CDH1: variants seen among roughly 807,000 people sequenced by gnomAD.
The protein encoded by CDH1 is cadherin-1.
Under a neutral mutation model 84.5 loss-of-function variants are expected in CDH1, and 35 were observed. That is an observed-to-expected ratio of 0.41 (90% CI 0.32 to 0.55). The LOEUF (loss-of-function observed/expected upper bound fraction) is 0.55. Among genes scored for constraint, CDH1 ranks in the 20% least tolerant of loss-of-function variants. The probability of loss-of-function intolerance (pLI) is 0.19; values close to 1 mark genes in which losing one functional copy is unlikely to be tolerated. For missense variants in CDH1, 994 were observed against 1,126.6 expected, an observed-to-expected ratio of 0.88 and a Z score of 1.68; for synonymous variants, 417 against 439.0, an observed-to-expected ratio of 0.95 and a Z score of 0.63.
intron 2 of CDH1, among the ~76,000 whole-genome samples, chr16:68,764,815 C>G (rs1959321445): frequency 6.6e-6 from 1 of 152,314 alleles, no homozygotes; most frequent in Non-Finnish European, 1.5e-5. Context: ...ATCTGTTCAC[C>G]CATCATTCAC....
In CDH1 at chr16:68,738,936, CTTTTTTTT is replaced by C. The variant is rs1555509828; in HGVS notation, c.163+546_163+553del. 6.0e-3 allele frequency among the ~76,000 whole-genome samples: 69 copies of C among 11,440 alleles called. 7 individuals carry two copies. The highest frequency in any genetic ancestry group is 0.03 in the East Asian group (16 of 530). 7.5% of individuals were successfully genotyped at this position (11,440 alleles called of 152,430 possible). A position where few individuals can be genotyped will look rare whatever the true frequency, so the allele number is the denominator to read the frequency against. On this transcript the variant is annotated intron_variant, in intron 2 of 15. Transcript: ENST00000261769. ...TGGCTTTTGTTTACAGATATAAAAG[CTTTTTTTT>C]TTTTTTTTTTTTTTTTTTTTAAAGA...
At position 68,768,496 on chromosome 16, in the gene CDH1, A is replaced by G. The variant is rs577210618; in HGVS notation, c.163+30085A>G. On this transcript the variant is annotated intron_variant, in intron 2 of 15. Transcript: ENST00000261769. ...CAGCTCTTAATACCTTGGACTTTCC[A>G]TTGATATTTGTCATTTTGCAGCTAA... 2.0e-5 allele frequency among the ~76,000 whole-genome samples: 3 copies of G among 152,316 alleles called. No individual in the cohort carries two copies. The East Asian group carries it at 5.8e-4, about 29-fold the overall frequency.
chr16:68,762,132 C>T (rs893728784), intron 2 of CDH1, among the ~76,000 whole-genome samples: 1 of 152,174 alleles, frequency 6.6e-6, no homozygotes, highest in Non-Finnish European at 1.5e-5. Context: ...CATGGACTCC[C>T]ATTTCCAATG....
At chr16:68,809,244 A>C (rs1472460654) in intron 5 of CDH1, among the ~76,000 whole-genome samples, 1 of 92,426 alleles carries the variant, frequency 1.1e-5, no homozygotes, top group Non-Finnish European at 2.1e-5. Context: ...TTTTTTTTTG[A>C]GATAGGGTTT....
intron 2 of CDH1, among the ~76,000 whole-genome samples, chr16:68,787,442 C>T (rs1467031086): frequency 1.3e-5 from 2 of 152,128 alleles, no homozygotes; most frequent in Middle Eastern, 3.4e-3. Flanking sequence ...AGTGCCCACA[C>T]GTAATGACTG....
chr16:68,771,765 A>AT (rs1555512415), intron 2 of CDH1, among the ~76,000 whole-genome samples: 16 of 92,172 alleles, frequency 1.7e-4, no homozygotes, highest in East Asian at 3.3e-4. Context: ...AAAAAAAAAA[A>AT]TTTTTTTTTT....
At chr16:68,737,541 C>A in intron 1 of CDH1, 78 bp downstream of exon 1, 1 of 1,241,352 alleles carries the variant, frequency 8.1e-7, no homozygotes, top group South Asian at 1.3e-5. Flanking sequence ...CCCTTCCTCT[C>A]CCGTCGTCAC....
chr16:68,812,022 C>T, intron 7 of CDH1, 113 bp from the exon 8 acceptor site: 1 of 1,541,794 alleles, frequency 6.5e-7, no homozygotes, highest in Admixed American at 1.7e-5. Flanking sequence ...AGAAGACAGG[C>T]AGGCTGGCAT....
intron 14 of CDH1, among the ~76,000 whole-genome samples, chr16:68,828,547 G>A (rs1961392236): frequency 6.6e-6 from 1 of 152,192 alleles, no homozygotes; most frequent in African/African-American, 2.4e-5. Flanking sequence ...GCACAGAGAA[G>A]CTCAGTAACT....
intron 2 of CDH1, among the ~76,000 whole-genome samples, chr16:68,739,153 G>A (rs918725974): frequency 2.0e-5 from 3 of 151,658 alleles, no homozygotes; most frequent in Non-Finnish European, 4.4e-5. Flanking sequence ...AGTGGCTAAC[G>A]CCTGTAATCC....
intron 3 of CDH1, among the ~76,000 whole-genome samples, chr16:68,803,175 C>T (rs969157029): frequency 3.9e-5 from 6 of 152,112 alleles, no homozygotes; most frequent in Admixed American, 2.0e-4. Flanking sequence ...CTTCTTTTCT[C>T]GCTGAAGACT....
Position 68,829,805 on chromosome 16 carries a change from A to C in CDH1, c.2439+8A>C, listed in dbSNP as rs2152142497. 1 of 1,613,648 alleles carries C rather than the reference A, an allele frequency of 6.2e-7. No homozygotes were observed. On this transcript the variant is annotated splice_region_variant and intron_variant, in intron 15 of 15. Transcript: ENST00000261769. Reference sequence around the variant, plus strand: ...GGAAATTTTATTGATGAAGTAAGTAATCCACGTGGAAAGCCAAAGCATGGC... The same window carrying C: ...GGAAATTTTATTGATGAAGTAAGTACTCCACGTGGAAAGCCAAAGCATGGC...
intron 2 of CDH1, among the ~76,000 whole-genome samples, chr16:68,779,241 C>G (rs941236121): frequency 1.3e-5 from 2 of 152,186 alleles, no homozygotes; most frequent in African/African-American, 4.8e-5. Flanking sequence ...GAAAACTGCT[C>G]CCATCTGTAA....
intron 10 of CDH1, among the ~76,000 whole-genome samples, chr16:68,818,849 CAAAAAAAAAA>C (rs758115524): frequency 9.7e-5 from 7 of 72,502 alleles, no homozygotes; most frequent in Non-Finnish European, 1.8e-4. Flanking sequence ...GACTCCGTCT[CAAAAAAAAAA>C]AAAAAAAAAA....
At chr16:68,777,528 T>G (rs1028234595) in intron 2 of CDH1, among the ~76,000 whole-genome samples, 2 of 137,306 alleles carry the variant, frequency 1.5e-5, no homozygotes, top group Non-Finnish European at 3.1e-5. Context: ...GAAAAGGTAA[T>G]GTTTCCTTTT....
intron 14 of CDH1, among the ~76,000 whole-genome samples, chr16:68,829,101 C>G (rs551148945): frequency 6.6e-6 from 1 of 152,296 alleles, no homozygotes; most frequent in South Asian, 2.1e-4. Context: ...GCTGGAGCAA[C>G]TGCTGGTCTC....
At chr16:68,745,849 G>T (rs1962725644) in intron 2 of CDH1, among the ~76,000 whole-genome samples, 1 of 151,966 alleles carries the variant, frequency 6.6e-6, no homozygotes, top group Non-Finnish European at 1.5e-5. Context: ...ATGAAGTCTT[G>T]CTCTGTCACC....
At chr16:68,763,919 G>A (rs1012435230) in intron 2 of CDH1, among the ~76,000 whole-genome samples, 5 of 152,160 alleles carry the variant, frequency 3.3e-5, no homozygotes, top group Non-Finnish European at 7.3e-5. Flanking sequence ...GTGGTCCCTG[G>A]ATCCCACTGC....
intron 11 of CDH1, among the ~76,000 whole-genome samples, chr16:68,819,653 T>C (rs1424037642): frequency 2.0e-5 from 3 of 152,098 alleles, no homozygotes; most frequent in Admixed American, 1.3e-4. Flanking sequence ...ATAACATGCA[T>C]TGTACCCATT....
Sources: allele counts gnomAD v4.1 joint callset (sites outside exome capture counted in the v4.1 genomes callset), GRCh38; gene constraint gnomAD v4.1.1; transcripts MANE v1.5; gene names NCBI Gene and HGNC (gene_info 2026-07-23, HGNC 2026-07-21).